TTC17: variants seen among roughly 807,000 people sequenced by gnomAD.
TTC17 encodes the protein tetratricopeptide repeat domain 17.
TTC17 carries 58 observed loss-of-function variants against 143.8 expected under a neutral mutation model. The observed-to-expected ratio is 0.40, with a 90% CI of 0.33 to 0.50. The LOEUF is 0.50. Among genes scored for constraint, TTC17 ranks in the 20% least tolerant of loss-of-function variants. The probability of loss-of-function intolerance (pLI) is 0.49; values close to 1 mark genes in which losing one functional copy is unlikely to be tolerated. For synonymous variants in TTC17, 501 were observed against 497.8 expected (o/e 1.01, Z -0.09); for missense variants, 1,273 against 1,392.5 (o/e 0.91, Z 1.37).
At chr11:43,412,330 C>CA (rs1257185136) in intron 15 of TTC17, among the ~76,000 whole-genome samples, 2 of 150,996 alleles carry the variant, frequency 1.3e-5, no homozygotes, top group Non-Finnish European at 3.0e-5. Flanking sequence ...CAAAAAAAGT[C>CA]AAAAAAAATT....
chr11:43,389,948 C>A, intron 3 of TTC17, 127 bp downstream of exon 3: 1 of 710,824 alleles, frequency 1.4e-6, no homozygotes, highest in South Asian at 2.1e-5. Flanking sequence ...TTTGAAAATT[C>A]AAAATACATA....
chr11:43,491,818 A>T, intron 22 of TTC17: 2 of 624,406 alleles, frequency 3.2e-6, no homozygotes, highest in Non-Finnish European at 5.5e-6. Flanking sequence ...GACTTCGCCA[A>T]TGAAAGAAGT....
chr11:43,360,293 A>G (rs1019017504), intron 1 of TTC17, among the ~76,000 whole-genome samples: 3 of 152,230 alleles, frequency 2.0e-5, no homozygotes, highest in South Asian at 2.1e-4. Context: ...CCGTGTTCCT[A>G]TTGGGTAACG....
chr11:43,391,043 A>G (rs1487888641), intron 3 of TTC17, among the ~76,000 whole-genome samples: 2 of 152,212 alleles, frequency 1.3e-5, no homozygotes, highest in Non-Finnish European at 2.9e-5. Flanking sequence ...AGGTATGAAT[A>G]TTGACTAACA....
chr11:43,420,789 ATGTTT>A (rs766623102), intron 16 of TTC17, among the ~76,000 whole-genome samples: 1 of 152,162 alleles, frequency 6.6e-6, no homozygotes, highest in Non-Finnish European at 1.5e-5. Flanking sequence ...GCCAAAAAAA[ATGTTT>A]TATTTTAAAG....
At chr11:43,492,824 A>T (rs1394138012) in intron 23 of TTC17, among the ~76,000 whole-genome samples, 1 of 152,230 alleles carries the variant, frequency 6.6e-6, no homozygotes, top group Non-Finnish European at 1.5e-5. Context: ...CAGAACTGAA[A>T]ATCCCAGGGG....
intron 21 of TTC17, among the ~76,000 whole-genome samples, chr11:43,473,946 C>T (rs367691626): frequency 6.6e-6 from 1 of 151,542 alleles, no homozygotes; most frequent in African/African-American, 2.4e-5. Flanking sequence ...CTGACTATAT[C>T]TAGCAAAATT....
chr11:43,404,932 A>T (rs1348308976), intron 11 of TTC17, among the ~76,000 whole-genome samples: 1 of 152,134 alleles, frequency 6.6e-6, no homozygotes, highest in African/African-American at 2.4e-5. Context: ...GCCAGGTTTT[A>T]TAGGCTTATG....
chr11:43,362,149 TTGTGTGTGTG>T lies in TTC17; in HGVS notation c.159+3072_159+3081del, dbSNP rs3978779. ...GCATGCACTACCACACCCGGCTAAT[TTGTGTGTGTG>T]TGTGTGTGTGTGTGTGTGTGTGTGT... On this transcript the variant is annotated intron_variant, in intron 1 of 23. Coordinates refer to ENST00000039989, the MANE Select transcript of TTC17 (RefSeq NM_018259.6). 3.3e-3 allele frequency among the ~76,000 whole-genome samples: 453 copies of T among 138,142 alleles called. 2 individuals are homozygous for T. The highest frequency in any genetic ancestry group is 0.019 in the East Asian group (86 of 4,494). 90.6% of individuals were successfully genotyped at this position (138,142 alleles called of 152,430 possible).
intron 1 of TTC17, among the ~76,000 whole-genome samples, chr11:43,373,057 CATGAT>C (rs1350189248): frequency 6.6e-6 from 1 of 152,066 alleles, no homozygotes; most frequent in Non-Finnish European, 1.5e-5. Context: ...GTTATCCTGA[CATGAT>C]ATATATCTAA....
intron 21 of TTC17, among the ~76,000 whole-genome samples, chr11:43,458,948 TAATAGTTTGTATAAGGTTCG>T (rs367977489): frequency 0.092 from 13,979 of 152,028 alleles, 798 homozygotes; most frequent in Middle Eastern, 0.16. Context: ...TAGGAAAAAA[TAATAGTTTGTATAAGGTTCG>T]AATAGTTTGT....
At chr11:43,478,450 G>A (rs527284403) in intron 21 of TTC17, among the ~76,000 whole-genome samples, 1 of 152,172 alleles carries the variant, frequency 6.6e-6, no homozygotes, top group South Asian at 2.1e-4. Context: ...TCTTTTAGAG[G>A]CACACACTAA....
chr11:43,388,034 C>G (rs1295536155), intron 2 of TTC17, among the ~76,000 whole-genome samples: 2 of 152,132 alleles, frequency 1.3e-5, no homozygotes, highest in African/African-American at 2.4e-5. Context: ...CAGATTGACA[C>G]GTCTATATAA....
intron 16 of TTC17, among the ~76,000 whole-genome samples, chr11:43,432,100 G>C (rs1323131277): frequency 6.6e-6 from 1 of 152,160 alleles, no homozygotes; most frequent in South Asian, 2.1e-4. Flanking sequence ...TTAGAAAGTG[G>C]AAAATACTCT....
At chr11:43,480,887 CAA>C (rs58806758) in intron 21 of TTC17, among the ~76,000 whole-genome samples, 34 of 98,956 alleles carry the variant, frequency 3.4e-4, no homozygotes, top group Middle Eastern at 5.6e-3. Context: ...CAAGAAAATG[CAA>C]AAAAAAAAAA....
At position 43,398,094 on chromosome 11, in the gene TTC17, A is replaced by G; in HGVS notation, c.1039A>G (p.Lys347Glu). 1.9e-6 allele frequency: 3 copies of G among 1,614,088 alleles called. No individual in the cohort carries two copies. Among genetic ancestry groups the G allele is most frequent in the Non-Finnish European group, 2.5e-6 (3 of 1,179,994 alleles). The change falls in exon 8 of 24, where the codon AAA (lysine) becomes GAA (glutamate). Residue 347 changes from lysine (K) to glutamate (E), a missense_variant. This residue lies in a region of TTC17 where 325 missense variants were observed against 444.2 expected (regional missense o/e 0.73). Coordinates refer to ENST00000039989, the MANE Select transcript of TTC17 (RefSeq NM_018259.6). ...AVLCQQKLEQ[K>E]LEAQHRSLQR... ...CCTATGTCAGCAAAAACTGGAGCAG[A>G]AATTGGAGGCTCAGCATAGGTAATT...
At chr11:43,460,639 G>C (rs1947847785) in intron 21 of TTC17, among the ~76,000 whole-genome samples, 1 of 152,232 alleles carries the variant, frequency 6.6e-6, no homozygotes, top group Admixed American at 6.5e-5. Context: ...CTTTGCTTAA[G>C]ATTCTACTGT....
chr11:43,396,096 T>C (rs1857580376), intron 5 of TTC17: 1 of 152,130 alleles, frequency 6.6e-6, no homozygotes, highest in African/African-American at 2.4e-5. Flanking sequence ...GTTAATAATA[T>C]TCAGTAAGTA....
intron 16 of TTC17, among the ~76,000 whole-genome samples, chr11:43,439,034 A>G (rs1013585537): frequency 3.3e-5 from 5 of 152,228 alleles, no homozygotes; most frequent in African/African-American, 4.8e-5. Context: ...TTTCTCATTA[A>G]TAGCACATTC....
Sources: allele counts gnomAD v4.1 joint callset (sites outside exome capture counted in the v4.1 genomes callset), GRCh38; gene constraint gnomAD v4.1.1; regional missense constraint gnomAD v4.1.1; transcripts MANE v1.5; gene names NCBI Gene and HGNC (gene_info 2026-07-23, HGNC 2026-07-21).